The following SMARCC1 variants were observed in gnomAD, a reference collection of about 807,000 sequenced individuals.
SMARCC1 encodes the protein SWI/SNF complex subunit SMARCC1.
In SMARCC1, 43 loss-of-function variants were observed where a neutral mutation model predicts 147.4. That is an observed-to-expected ratio of 0.29 (90% confidence interval 0.23 to 0.38). SMARCC1 has a LOEUF of 0.38. Ranked by LOEUF, SMARCC1 falls within the 10% of genes least tolerant of loss-of-function variation. SMARCC1 has a pLI of 1.00. For missense variants in SMARCC1, 1,119 were observed against 1,381.1 expected, an observed-to-expected ratio of 0.81 and a Z score of 3.01; for synonymous variants, 495 against 484.4, an observed-to-expected ratio of 1.02 and a Z score of -0.29.
At chr3:47,776,779 T>A (rs1289413008) in intron 1 of SMARCC1, among the ~76,000 whole-genome samples, 12 of 151,776 alleles carry the variant, frequency 7.9e-5, no homozygotes, top group African/African-American at 2.2e-4. Flanking sequence ...ATATATATAT[T>A]TTTTCTTTTT....
chr3:47,652,841 A>G (rs959093724), intron 21 of SMARCC1, among the ~76,000 whole-genome samples: 37 of 152,200 alleles, frequency 2.4e-4, no homozygotes, highest in Non-Finnish European at 4.9e-4. Flanking sequence ...GATGGACTGA[A>G]GAAGACCCTT....
chr3:47,731,947 C>T (rs2034379577), intron 5 of SMARCC1, among the ~76,000 whole-genome samples: 1 of 152,178 alleles, frequency 6.6e-6, no homozygotes, highest in Admixed American at 6.5e-5. Flanking sequence ...CCCAAAATAG[C>T]CTGGCTGAAG....
In SMARCC1 at chr3:47,663,632, G is replaced by A; in HGVS notation, c.1900-1040C>T. On this transcript the variant is annotated intron_variant, in intron 19 of 27. Transcript: ENST00000254480. ...GCCCAGACATGGCGACTCCGGCCCTGTGATTCCAGAGGTCCCCTTTGAACC... is the reference window on the plus strand; with the variant it reads ...GCCCAGACATGGCGACTCCGGCCCTATGATTCCAGAGGTCCCCTTTGAACC... The A allele has an allele frequency of 3.3e-6, 5 of 1,508,780 alleles. No individual in the cohort carries two copies. The South Asian group carries it at 5.6e-5, about 17-fold the overall frequency. 93.5% of individuals were successfully genotyped at this position (1,508,780 alleles called of 1,614,324 possible). A position where few individuals can be genotyped will look rare whatever the true frequency, so the allele number is the denominator to read the frequency against.
At chr3:47,623,705 C>G (rs768360222) in intron 24 of SMARCC1, among the ~76,000 whole-genome samples, 2 of 151,884 alleles carry the variant, frequency 1.3e-5, no homozygotes, top group Non-Finnish European at 2.9e-5. Context: ...TTTATGCGCA[C>G]GATATAAACT....
Position 47,726,061 on chromosome 3 carries a change from C to CAAAAAAAAA in SMARCC1, c.646+2955_646+2963dup, listed in dbSNP as rs546659321. On this transcript the variant is annotated intron_variant, in intron 6 of 27. Coordinates refer to ENST00000254480, the MANE Select transcript of SMARCC1 (RefSeq NM_003074.4). ...TGGGTAGAAGAGTGAGACTCTGTCT[C>CAAAAAAAAA]AAAAAAAAAAAAAAAAAAAAGGTGA... Among the ~76,000 whole-genome samples the CAAAAAAAAA allele has an allele frequency of 1.2e-4, 6 of 50,778 alleles. 1 individual carries two copies. The highest frequency in any genetic ancestry group is 4.6e-4 in the African/African-American group (6 of 12,942). The allele number at this position is 50,778 out of a possible 152,430, so 33.3% of individuals were successfully genotyped here. A position where few individuals can be genotyped will look rare whatever the true frequency, so the allele number is the denominator to read the frequency against.
chr3:47,662,717 T>C (rs976161990), intron 19 of SMARCC1, 125 bp from the exon 20 acceptor site: 1 of 766,870 alleles, frequency 1.3e-6, no homozygotes, highest in African/African-American at 1.8e-5. Context: ...ATAGAAAGAT[T>C]TGATGGTTTC....
chr3:47,708,083 C>CTTTTTTTCTTTT (rs1559650534), intron 9 of SMARCC1, among the ~76,000 whole-genome samples: 15 of 64,276 alleles, frequency 2.3e-4, no homozygotes, highest in East Asian at 5.4e-4. Context: ...AATTTTTTTT[C>CTTTTTTTCTTTT]TTTTTTTTTT....
intron 24 of SMARCC1, among the ~76,000 whole-genome samples, chr3:47,631,184 T>G (rs1231547077): frequency 2.0e-5 from 3 of 152,002 alleles, no homozygotes; most frequent in Non-Finnish European, 4.4e-5. Flanking sequence ...GAATGAGAAA[T>G]TGCAGAAACA....
rs532561584 is a variant in SMARCC1, at chr3:47,636,111, G to A, written c.2402C>T (p.Thr801Met). 6.2e-6 allele frequency: 10 copies of A among 1,602,216 alleles called. No individual in the cohort carries two copies. Among genetic ancestry groups the A allele is most frequent in the African/African-American group, 4.0e-5 (3 of 74,418 alleles). The change falls in exon 23 of 28, where the codon ACG (threonine) becomes ATG (methionine). Residue 801 changes from threonine to methionine, a missense_variant. By Grantham distance (81) the Thr-to-Met change is moderately conservative. Around this residue, in one of 6 missense-constraint regions of SMARCC1, gnomAD observed 157 missense variants for 158.6 expected, o/e 0.99. Transcript: ENST00000254480. ...EKAENKVENETDEGDKAQDGE... is the reference protein window; with the variant it reads ...EKAENKVENEMDEGDKAQDGE... Reference sequence around the variant, plus strand: ...ATCTTGTGCTTTATCACCTTCATCCGTTTCATTTTCCACTTTATTTTCTGC... The same window carrying A: ...ATCTTGTGCTTTATCACCTTCATCCATTTCATTTTCCACTTTATTTTCTGC...
chr3:47,666,866 C>T (rs897623786), intron 19 of SMARCC1, among the ~76,000 whole-genome samples: 1 of 152,124 alleles, frequency 6.6e-6, no homozygotes, highest in African/African-American at 2.4e-5. Flanking sequence ...TACTATGCAT[C>T]TTAGTGTAGT....
At chr3:47,666,839 T>G (rs551287944) in intron 19 of SMARCC1, among the ~76,000 whole-genome samples, 1 of 152,100 alleles carries the variant, frequency 6.6e-6, no homozygotes, top group African/African-American at 2.4e-5. Context: ...TTAAGAAAAG[T>G]TTTTTAATAG....
chr3:47,633,741 CAAAAA>C (rs1162764544), intron 24 of SMARCC1, among the ~76,000 whole-genome samples: 5 of 8,630 alleles, frequency 5.8e-4, no homozygotes, highest in African/African-American at 1.0e-3. Context: ...GAGACTGTCT[CAAAAA>C]AAAAAAAAAA....
intron 21 of SMARCC1, among the ~76,000 whole-genome samples, chr3:47,660,271 C>G (rs961535851): frequency 6.6e-6 from 1 of 151,586 alleles, no homozygotes; most frequent in Non-Finnish European, 1.5e-5. Context: ...ATGGTGAAAC[C>G]CTGTCTCTAC....
chr3:47,663,732 T>C, intron 19 of SMARCC1: 1 of 1,512,286 alleles, frequency 6.6e-7, no homozygotes, highest in Non-Finnish European at 9.2e-7. Flanking sequence ...GAAAAGTTCC[T>C]TCACAAGACC....
chr3:47,665,323 G>A, intron 19 of SMARCC1, among the ~76,000 whole-genome samples: 1 of 152,140 alleles, frequency 6.6e-6, no homozygotes, highest in Non-Finnish European at 1.5e-5. Flanking sequence ...ATTACTTTTT[G>A]AAAGATCCAG....
At chr3:47,688,794 T>C (rs918557980) in intron 13 of SMARCC1, among the ~76,000 whole-genome samples, 3 of 152,194 alleles carry the variant, frequency 2.0e-5, no homozygotes, top group Non-Finnish European at 2.9e-5. Flanking sequence ...TCTGAAATAC[T>C]GTGGTCGGCA....
Position 47,678,178 on chromosome 3 carries a change from G to A in SMARCC1, c.1571+20C>T. ...TAAATTCCTACAGTTAAATGTCTCA[G>A]AAAAAGTCAAACAGTTTACCTCATC... is the stretch of plus-strand genomic sequence containing the variant. On this transcript the variant is annotated intron_variant, in intron 16 of 27. Transcript: ENST00000254480. The A allele has an allele frequency of 1.4e-6, 2 of 1,419,960 alleles. No individual in the cohort carries two copies. The highest frequency in any genetic ancestry group is 2.0e-6 in the Non-Finnish European group (2 of 1,022,664). 88.0% of individuals were successfully genotyped at this position (1,419,960 alleles called of 1,614,324 possible). A position where few individuals can be genotyped will look rare whatever the true frequency, so the allele number is the denominator to read the frequency against.
chr3:47,610,459 A>G, intron 25 of SMARCC1, 132 bp from the exon 26 acceptor site: 1 of 881,272 alleles, frequency 1.1e-6, no homozygotes, highest in Non-Finnish European at 1.8e-6. Flanking sequence ...CACTTCCTGC[A>G]CCTTCTACAG....
chr3:47,661,615 A>G (rs2033348493), intron 20 of SMARCC1, among the ~76,000 whole-genome samples, 160 bp from the exon 21 acceptor site: 3 of 152,190 alleles, frequency 2.0e-5, no homozygotes, highest in Non-Finnish European at 2.9e-5. Flanking sequence ...AGAGGACTAA[A>G]TGAGACAAAA....
Sources: allele counts gnomAD v4.1 joint callset (sites outside exome capture counted in the v4.1 genomes callset), GRCh38; gene constraint gnomAD v4.1.1; regional missense constraint gnomAD v4.1.1; transcripts MANE v1.5; gene names NCBI Gene and HGNC (gene_info 2026-07-23, HGNC 2026-07-21).